The following RIMS2 variants were observed in gnomAD, a reference collection of about 807,000 sequenced individuals.
RIMS2 encodes the protein regulating synaptic membrane exocytosis protein 2.
In RIMS2, 59 loss-of-function variants were observed where a neutral mutation model predicts 174.4. That is an observed-to-expected ratio of 0.34 (90% CI 0.27 to 0.42). The LOEUF is 0.42. Ranked by LOEUF, RIMS2 falls within the 10% of genes least tolerant of loss-of-function variation. RIMS2 has a pLI of 1.00. For missense variants in RIMS2, 1,620 were observed against 1,666.3 expected (o/e 0.97, Z 0.48); for synonymous variants, 606 against 572.5 (o/e 1.06, Z -0.84).
At chr8:103,573,799 A>C (rs1250216094) in intron 1 of RIMS2, among the ~76,000 whole-genome samples, 2 of 152,120 alleles carry the variant, frequency 1.3e-5, no homozygotes, top group Non-Finnish European at 2.9e-5. Context: ...TGCTTTGGGC[A>C]TTCTGGATAT....
chr8:103,533,016 G>C (rs978903989), intron 1 of RIMS2, among the ~76,000 whole-genome samples: 3 of 152,116 alleles, frequency 2.0e-5, no homozygotes, highest in Admixed American at 6.6e-5. Context: ...GACATTACCA[G>C]ACTAAGCATT....
intron 19 of RIMS2, among the ~76,000 whole-genome samples, chr8:104,019,069 G>A (rs2096010815): frequency 1.3e-5 from 2 of 152,056 alleles, no homozygotes; most frequent in African/African-American, 4.8e-5. Flanking sequence ...ATGGTGGTGC[G>A]TGCCTGTAGT....
intron 4 of RIMS2, among the ~76,000 whole-genome samples, chr8:103,900,962 G>T (rs1256668161): frequency 6.6e-6 from 1 of 152,088 alleles, no homozygotes. Context: ...TTGCGCATCT[G>T]TCTTGCCCCC....
At chr8:103,589,853 C>T (rs1457729049) in intron 1 of RIMS2, among the ~76,000 whole-genome samples, 2 of 151,298 alleles carry the variant, frequency 1.3e-5, no homozygotes, top group East Asian at 3.9e-4. Context: ...ATCATGTATT[C>T]TCACTTATTT....
intron 1 of RIMS2, among the ~76,000 whole-genome samples, chr8:103,595,036 C>A (rs2094432039): frequency 6.6e-6 from 1 of 151,682 alleles, no homozygotes; most frequent in East Asian, 1.9e-4. Context: ...GAGTAGATGA[C>A]CATGTCACAT....
chr8:103,983,622 A>G (rs1244230835), intron 16 of RIMS2, among the ~76,000 whole-genome samples: 1 of 152,194 alleles, frequency 6.6e-6, no homozygotes, highest in African/African-American at 2.4e-5. Context: ...ATTTTTGACA[A>G]AGGTGCCAAG....
At chr8:103,918,283 C>T (rs543926611) in intron 8 of RIMS2, among the ~76,000 whole-genome samples, 158 bp from the exon 12 acceptor site, 1 of 152,206 alleles carries the variant, frequency 6.6e-6, no homozygotes, top group South Asian at 2.1e-4. Flanking sequence ...GCAATAAGTA[C>T]TAAGGCTTGT....
At chr8:104,242,239 G>GT (rs554084144) in intron 19 of RIMS2, among the ~76,000 whole-genome samples, 1,861 of 152,050 alleles carry the variant, frequency 0.012, 16 homozygotes, top group Middle Eastern at 0.024. Flanking sequence ...TTGTTTTGTT[G>GT]TTTTTTCCTA....
intron 1 of RIMS2, among the ~76,000 whole-genome samples, chr8:103,580,969 A>G (rs1285349906): frequency 6.6e-6 from 1 of 151,478 alleles, no homozygotes; most frequent in Non-Finnish European, 1.5e-5. Context: ...AGCTGGGACT[A>G]CAGGCGCCCG....
chr8:103,613,557 G>A (rs1361694559), intron 1 of RIMS2, among the ~76,000 whole-genome samples: 1 of 152,164 alleles, frequency 6.6e-6, no homozygotes, highest in African/African-American at 2.4e-5. Context: ...CACTGTGCCT[G>A]GACTGGTACC....
rs145264365 is a variant in RIMS2, at chr8:103,846,173, C to T, written c.699-39125C>T. Among the ~76,000 whole-genome samples, 145 of 152,168 alleles carry T rather than the reference C, an allele frequency of 9.5e-4. 1 individual carries two copies. Among genetic ancestry groups the T allele is most frequent in the African/African-American group, 3.5e-3 (144 of 41,530 alleles). ...ATCTTGATATTTAATGAATATTAATCTTGAAGTCTATTTTCTTTTTACTGC... is the reference window on the plus strand; with the variant it reads ...ATCTTGATATTTAATGAATATTAATTTTGAAGTCTATTTTCTTTTTACTGC... On this transcript the variant is annotated intron_variant, in intron 3 of 23. Transcript: ENST00000504942.
At chr8:103,804,669 TC>T (rs532164728) in intron 3 of RIMS2, among the ~76,000 whole-genome samples, 4 of 152,252 alleles carry the variant, frequency 2.6e-5, no homozygotes, top group Non-Finnish European at 5.9e-5. Flanking sequence ...ACAGAGTTTT[TC>T]TAAATCATCC....
At chr8:104,041,348 A>C in intron 19 of RIMS2, 4 of 696,274 alleles carry the variant, frequency 5.7e-6, no homozygotes, top group Non-Finnish European at 1.1e-5. Flanking sequence ...CTACAAGGAG[A>C]AGATATGCAG....
intron 1 of RIMS2, among the ~76,000 whole-genome samples, chr8:103,532,604 A>G (rs922906393): frequency 6.6e-6 from 1 of 152,186 alleles, no homozygotes; most frequent in Non-Finnish European, 1.5e-5. Flanking sequence ...TTGTTTATGT[A>G]TTGTATGGGC....
chr8:104,073,305 A>T (rs1360393618), intron 19 of RIMS2, among the ~76,000 whole-genome samples: 1 of 152,194 alleles, frequency 6.6e-6, no homozygotes. Context: ...TGCCATATTT[A>T]ATATTTTTAA....
intron 19 of RIMS2, among the ~76,000 whole-genome samples, chr8:104,195,761 C>G (rs2099021173): frequency 6.6e-6 from 1 of 152,088 alleles, no homozygotes; most frequent in Non-Finnish European, 1.5e-5. Flanking sequence ...AGTCTGCCCA[C>G]CTCAACCTCC....
chr8:103,774,487 G>C (rs370186312), intron 3 of RIMS2, among the ~76,000 whole-genome samples: 137 of 152,298 alleles, frequency 9.0e-4, no homozygotes, highest in African/African-American at 3.2e-3. Flanking sequence ...ATTCAAATAA[G>C]TGTATTACTT....
At chr8:103,519,928 T>G (rs1830831134) in intron 1 of RIMS2, among the ~76,000 whole-genome samples, 1 of 152,072 alleles carries the variant, frequency 6.6e-6, no homozygotes, top group South Asian at 2.1e-4. Flanking sequence ...TGGCTTTTTA[T>G]AAGTAGCTGG....
intron 19 of RIMS2, among the ~76,000 whole-genome samples, chr8:104,237,139 CA>C (rs1490233639): frequency 2.0e-4 from 30 of 151,974 alleles, no homozygotes; most frequent in African/African-American, 7.2e-4. Context: ...GCCATGAAAA[CA>C]GTTATAAAAT....
Sources: allele counts gnomAD v4.1 joint callset (sites outside exome capture counted in the v4.1 genomes callset), GRCh38; gene constraint gnomAD v4.1.1; transcripts MANE v1.5; gene names NCBI Gene and HGNC (gene_info 2026-07-23, HGNC 2026-07-21).